The following PTPRC variants were observed in gnomAD, a reference collection of about 807,000 sequenced individuals.
The protein encoded by PTPRC is receptor-type tyrosine-protein phosphatase C.
PTPRC carries 44 observed loss-of-function variants against 155.9 expected under a neutral mutation model. The ratio of observed to expected loss-of-function variants is 0.28; its 90% confidence interval spans 0.22 to 0.36. PTPRC has a LOEUF of 0.36. Ranked by LOEUF, PTPRC falls within the 10% of genes least tolerant of loss-of-function variation. The pLI, the probability that PTPRC is intolerant of heterozygous loss-of-function variation, is 1.00. For missense variants in PTPRC, 1,401 were observed against 1,564.6 expected, an observed-to-expected ratio of 0.90 and a Z score of 1.76; for synonymous variants, 525 against 533.1, an observed-to-expected ratio of 0.98 and a Z score of 0.21.
rs1266308410 is a variant in PTPRC at position 198,699,633 on chromosome 1, A to G, written c.368A>G (p.Asp123Gly). The G allele has an allele frequency of 6.2e-7, 1 of 1,614,096 alleles. No homozygotes were observed. Among genetic ancestry groups the G allele is most frequent in the Non-Finnish European group, 8.5e-7 (1 of 1,180,048 alleles). The change falls in exon 5 of 33, where the codon GAC becomes GGC. Residue 123 changes from aspartate (D) to glycine (G), a missense_variant. Physicochemically the swap from Asp to Gly is moderately conservative, Grantham distance 94. This residue lies in a region of PTPRC where 867 missense variants were observed against 970.4 expected (regional missense o/e 0.89). Coordinates refer to ENST00000442510, the MANE Select transcript of PTPRC (RefSeq NM_002838.5). Reference sequence around the variant, plus strand: ...TCGCAGACGCCCTCTGCTGGAACTGACACGCAGACATTCAGCGGCTCCGCC... The same window carrying G: ...TCGCAGACGCCCTCTGCTGGAACTGGCACGCAGACATTCAGCGGCTCCGCC... ...ADSQTPSAGTDTQTFSGSAAN... is the reference protein window; with the variant it reads ...ADSQTPSAGTGTQTFSGSAAN...
At chr1:198,701,418 C>G (rs1260607893) in intron 5 of PTPRC, among the ~76,000 whole-genome samples, 1 of 152,068 alleles carries the variant, frequency 6.6e-6, no homozygotes, top group Non-Finnish European at 1.5e-5. Flanking sequence ...AACTGATGAC[C>G]CCAGGGATCT....
chr1:198,681,059 C>T (rs943753862), intron 2 of PTPRC, among the ~76,000 whole-genome samples: 2 of 152,030 alleles, frequency 1.3e-5, no homozygotes, highest in African/African-American at 2.4e-5. Flanking sequence ...AGTAGGTATT[C>T]GGTAAATGTT....
Position 198,752,363 on chromosome 1 carries a change from C to A in PTPRC, c.3322C>A (p.His1108Asn). The A allele has an allele frequency of 1.2e-6, 2 of 1,612,556 alleles. No individual in the cohort carries two copies. The highest frequency in any genetic ancestry group is 1.7e-6 in the Non-Finnish European group (2 of 1,179,112). Residue 1108 changes from histidine to asparagine, a missense_variant, in exon 30 of 33, where the codon CAT becomes AAT. His to Asn is a moderately conservative substitution (Grantham distance 68). Coordinates refer to ENST00000442510, the MANE Select transcript of PTPRC (RefSeq NM_002838.5). ...TYTLRVFELRHSKRKDSRTVY... is the reference protein window; with the variant it reads ...TYTLRVFELRNSKRKDSRTVY... ...TACCCTTCGTGTCTTTGAACTGAGA[C>A]ATTCCAAGGTATGGAAACAATTTGG...
At chr1:198,753,861 T>C (rs1655498037) in intron 31 of PTPRC, among the ~76,000 whole-genome samples, 1 of 152,042 alleles carries the variant, frequency 6.6e-6, no homozygotes, top group Non-Finnish European at 1.5e-5. Flanking sequence ...GAGCATGTGT[T>C]CTAGTAATTT....
chr1:198,667,223 A>ACTT (rs1473689551), intron 2 of PTPRC, among the ~76,000 whole-genome samples: 1 of 152,202 alleles, frequency 6.6e-6, no homozygotes, highest in Non-Finnish European at 1.5e-5. Context: ...TATTGGCCAG[A>ACTT]AATTTAACAT....
intron 26 of PTPRC, 76 bp downstream of exon 26, chr1:198,744,279 A>G: frequency 7.1e-7 from 1 of 1,407,580 alleles, no homozygotes; most frequent in Non-Finnish European, 9.8e-7. Context: ...GGTGTTTGCT[A>G]TGCACTTGAC....
chr1:198,678,553 C>T (rs1383228405), intron 2 of PTPRC, among the ~76,000 whole-genome samples: 1 of 152,074 alleles, frequency 6.6e-6, no homozygotes, highest in Admixed American at 6.6e-5. Context: ...AATGCTTTTT[C>T]CAGGATTGCT....
At position 198,702,369 on chromosome 1, in the gene PTPRC, T is replaced by C; in HGVS notation, c.440-18T>C. ...TGACAGACACAAGTGACAGTGCTGA[T>C]GGCCCTTCTGATTGCAGATGTCCCA... On this transcript the variant is annotated intron_variant, in intron 5 of 32. Coordinates refer to ENST00000442510, the MANE Select transcript of PTPRC (RefSeq NM_002838.5). The C allele has an allele frequency of 6.2e-7, 1 of 1,614,232 alleles. No homozygotes were observed. The highest frequency in any genetic ancestry group is 8.5e-7 in the Non-Finnish European group (1 of 1,180,040).
At chr1:198,712,305 C>G (rs1190398410) in intron 11 of PTPRC, among the ~76,000 whole-genome samples, 1 of 152,114 alleles carries the variant, frequency 6.6e-6, no homozygotes, top group Non-Finnish European at 1.5e-5. Context: ...CTGTAGTTAA[C>G]AGAAAGTTGA....
intron 2 of PTPRC, among the ~76,000 whole-genome samples, chr1:198,682,486 T>C (rs1665389561): frequency 6.6e-6 from 1 of 152,182 alleles, no homozygotes; most frequent in Admixed American, 6.5e-5. Context: ...CCTGGCTCAT[T>C]TAGAAAGGGT....
At chr1:198,751,270 G>T (rs1286687250) in intron 29 of PTPRC, among the ~76,000 whole-genome samples, 1 of 151,864 alleles carries the variant, frequency 6.6e-6, no homozygotes, top group Non-Finnish European at 1.5e-5. Flanking sequence ...GCTATAATTT[G>T]ATTTTTTTAC....
At chr1:198,646,173 A>G (rs770675100) in intron 2 of PTPRC, among the ~76,000 whole-genome samples, 3 of 151,812 alleles carry the variant, frequency 2.0e-5, no homozygotes, top group Non-Finnish European at 2.9e-5. Context: ...TTATATATAT[A>G]TTACCTAGTG....
chr1:198,733,880 G>T (rs980184172), intron 20 of PTPRC, among the ~76,000 whole-genome samples: 4 of 151,806 alleles, frequency 2.6e-5, no homozygotes, highest in Non-Finnish European at 5.9e-5. Context: ...GATATAAAAT[G>T]TTGAAATGTC....
intron 4 of PTPRC, among the ~76,000 whole-genome samples, chr1:198,698,273 A>T (rs1008293487): frequency 3.3e-5 from 5 of 152,244 alleles, no homozygotes; most frequent in Non-Finnish European, 7.3e-5. Context: ...GAAAATAAGG[A>T]TGAATAATTT....
chr1:198,710,253 A>G (rs1653224837), intron 11 of PTPRC, among the ~76,000 whole-genome samples: 1 of 152,176 alleles, frequency 6.6e-6, no homozygotes, highest in Admixed American at 6.5e-5. Context: ...AAATTAGTTG[A>G]CCATAATGAT....
rs778901077 is a variant in PTPRC, at chr1:198,702,351, C to T, written c.440-36C>T. 3.7e-6 allele frequency: 6 copies of T among 1,614,146 alleles called. No individual in the cohort carries two copies. The South Asian group carries it at 4.4e-5, about 12-fold the overall frequency. ...CTGGCTATTGCCCTTGCGTGACAGA[C>T]ACAAGTGACAGTGCTGATGGCCCTT... On this transcript the variant is annotated intron_variant, in intron 5 of 32. Transcript: ENST00000442510.
Position 198,734,850 on chromosome 1 carries a change from C to T in PTPRC, c.2278-277C>T, listed in dbSNP as rs909623687. 2.0e-5 allele frequency among the ~76,000 whole-genome samples: 3 copies of T among 151,658 alleles called. No homozygotes were observed. In the East Asian group the frequency reaches 5.8e-4, roughly 29 times the overall value. ...AAAATTAACCACAAGCAATCATATC[C>T]TTTTTGCTGACAACTGATTATGTCC... On this transcript the variant is annotated intron_variant, in intron 22 of 32. Transcript: ENST00000442510.
chr1:198,720,598 G>C (rs1019943201), intron 14 of PTPRC, among the ~76,000 whole-genome samples: 1 of 151,994 alleles, frequency 6.6e-6, no homozygotes, highest in Non-Finnish European at 1.5e-5. Context: ...CAAAGTGCTG[G>C]GATTACAGGC....
At chr1:198,667,380 C>G (rs1664383381) in intron 2 of PTPRC, among the ~76,000 whole-genome samples, 1 of 152,176 alleles carries the variant, frequency 6.6e-6, no homozygotes, top group Non-Finnish European at 1.5e-5. Flanking sequence ...GTTGCCATAG[C>G]TCATAGTCAT....
Sources: allele counts gnomAD v4.1 joint callset (sites outside exome capture counted in the v4.1 genomes callset), GRCh38; gene constraint gnomAD v4.1.1; regional missense constraint gnomAD v4.1.1; transcripts MANE v1.5; gene names NCBI Gene and HGNC (gene_info 2026-07-23, HGNC 2026-07-21).